Variants in BMP2K observed in about 807,000 individuals in gnomAD.
The protein encoded by BMP2K is BMP-2-inducible protein kinase.
BMP2K carries 74 observed loss-of-function variants against 116.0 expected under a neutral mutation model. The ratio of observed to expected loss-of-function variants is 0.64; its 90% CI spans 0.53 to 0.77. The LOEUF is 0.77. BMP2K is among the 30% of genes least tolerant of loss of function. The probability of loss-of-function intolerance (pLI) is 0.00; values close to 1 mark genes in which losing one functional copy is unlikely to be tolerated. For missense variants in BMP2K, 1,365 were observed against 1,403.6 expected, an observed-to-expected ratio of 0.97 and a Z score of 0.44; for synonymous variants, 486 against 502.5, an observed-to-expected ratio of 0.97 and a Z score of 0.44.
In BMP2K at chr4:78,851,008, A is replaced by G. The variant is rs1416145601; in HGVS notation, c.835A>G (p.Thr279Ala). 6.2e-7 allele frequency: 1 copy of G among 1,611,966 alleles called. No homozygotes were observed. Among genetic ancestry groups the G allele is most frequent in the Non-Finnish European group, 8.5e-7 (1 of 1,178,722 alleles). Residue 279 changes from threonine (T) to alanine (A), a missense_variant, in exon 7 of 16, where the codon ACC becomes GCC. Thr to Ala is a moderately conservative substitution (Grantham distance 58). Transcript: ENST00000502613. ...GGTTGCTATCTGTGATGGCAACTTC[A>G]CCATCCCAGACAATTCTCGTTACTC... ...SQVAICDGNF[T>A]IPDNSRYSRN...
chr4:78,849,890 T>C (rs1731168353), intron 6 of BMP2K, among the ~76,000 whole-genome samples: 2 of 151,750 alleles, frequency 1.3e-5, no homozygotes, highest in African/African-American at 2.4e-5. Flanking sequence ...AGGTCTATTA[T>C]AAGCTCCATA....
chr4:78,805,148 C>A, intron 1 of BMP2K, among the ~76,000 whole-genome samples: 1 of 152,170 alleles, frequency 6.6e-6, no homozygotes, highest in East Asian at 1.9e-4. Context: ...GTTGTTCCAG[C>A]ACCATTTATT....
chr4:78,795,065 A>G (rs1363730006), intron 1 of BMP2K, among the ~76,000 whole-genome samples: 1 of 152,248 alleles, frequency 6.6e-6, no homozygotes, highest in Non-Finnish European at 1.5e-5. Context: ...ATGAAATTTC[A>G]GGGCTTGTTG....
chr4:78,831,649 G>T (rs1212384259), intron 2 of BMP2K, among the ~76,000 whole-genome samples: 1 of 152,074 alleles, frequency 6.6e-6, no homozygotes, highest in Non-Finnish European at 1.5e-5. Flanking sequence ...GTTTTTCTGT[G>T]ACCTCTGTAA....
At chr4:78,782,646 A>G (rs920403385) in intron 1 of BMP2K, among the ~76,000 whole-genome samples, 1 of 152,236 alleles carries the variant, frequency 6.6e-6, no homozygotes, top group African/African-American at 2.4e-5. Flanking sequence ...TGAAACAGGA[A>G]AGAAAAAAAA....
At chr4:78,815,424 C>T (rs922881277) in intron 1 of BMP2K, among the ~76,000 whole-genome samples, 1 of 151,994 alleles carries the variant, frequency 6.6e-6, no homozygotes, top group African/African-American at 2.4e-5. Flanking sequence ...GAGGTAATTT[C>T]TCTTCAGGAA....
chr4:78,848,565 A>T lies in BMP2K; in HGVS notation c.750+1296A>T, dbSNP rs1731113537. ...ATAGGCATCATACTTTTCATTCTGAAGCCATTGAAGGTTTACTGCAGAAAA... is the reference window on the plus strand; with the variant it reads ...ATAGGCATCATACTTTTCATTCTGATGCCATTGAAGGTTTACTGCAGAAAA... On this transcript the variant is annotated intron_variant, in intron 6 of 15. Coordinates refer to ENST00000502613, the MANE Select transcript of BMP2K (RefSeq NM_198892.2). Among the ~76,000 whole-genome samples, 5 of 151,546 alleles carry T rather than the reference A, an allele frequency of 3.3e-5. 1 individual carries two copies. The South Asian group carries it at 1.0e-3, about 31-fold the overall frequency.
intron 1 of BMP2K, among the ~76,000 whole-genome samples, chr4:78,780,746 G>A (rs1233916543): frequency 6.6e-6 from 1 of 152,186 alleles, no homozygotes; most frequent in Admixed American, 6.5e-5. Context: ...GGACAATAGT[G>A]GAGGTATTCT....
At chr4:78,779,378 C>G (rs1276495986) in intron 1 of BMP2K, among the ~76,000 whole-genome samples, 3 of 152,144 alleles carry the variant, frequency 2.0e-5, no homozygotes, top group Admixed American at 2.0e-4. Flanking sequence ...AGTCTTTGCT[C>G]CTTGAACACT....
At chr4:78,871,730 A>G in intron 11 of BMP2K, 120 bp from the exon 12 acceptor site, 1 of 568,902 alleles carries the variant, frequency 1.8e-6, no homozygotes, top group Admixed American at 3.4e-5. Flanking sequence ...GAGTATAGCT[A>G]TTTTGTATTG....
chr4:78,863,600 T>A (rs1283731926), intron 9 of BMP2K, among the ~76,000 whole-genome samples: 1 of 152,170 alleles, frequency 6.6e-6, no homozygotes, highest in Non-Finnish European at 1.5e-5. Context: ...AAACCTGTGA[T>A]GATTTTGTTC....
intron 1 of BMP2K, among the ~76,000 whole-genome samples, chr4:78,816,168 T>A (rs1474507247): frequency 6.6e-6 from 1 of 152,156 alleles, no homozygotes; most frequent in Admixed American, 6.6e-5. Flanking sequence ...TTTGGTAACG[T>A]GAAGTTAAAC....
intron 15 of BMP2K, among the ~76,000 whole-genome samples, chr4:78,908,323 CTT>C (rs1365046607): frequency 3.9e-5 from 6 of 152,192 alleles, no homozygotes; most frequent in Non-Finnish European, 7.4e-5. Flanking sequence ...TACTGGACCT[CTT>C]TGCACCATCC....
chr4:78,781,532 G>A, intron 1 of BMP2K, among the ~76,000 whole-genome samples: 1 of 152,032 alleles, frequency 6.6e-6, no homozygotes, highest in East Asian at 1.9e-4. Context: ...GGGAAGCTGG[G>A]TATGTCGTCT....
intron 1 of BMP2K, among the ~76,000 whole-genome samples, chr4:78,815,379 T>C (rs756994087): frequency 5.9e-5 from 9 of 152,274 alleles, no homozygotes; most frequent in Non-Finnish European, 1.0e-4. Context: ...TGAAAACCCA[T>C]AAAATATTTT....
At chr4:78,865,411 GA>G in intron 9 of BMP2K, 145 bp from the exon 10 acceptor site, 1 of 753,672 alleles carries the variant, frequency 1.3e-6, no homozygotes, top group Non-Finnish European at 2.1e-6. Context: ...TTTAATACTT[GA>G]AAATGAGCCT....
chr4:78,895,813 G>A lies in BMP2K; in HGVS notation c.2062+8529G>A, dbSNP rs368306560. ...ATTTTGCTTTTTTGCCCAGGCTGGA[G>A]TGCAGTGGCATGATCACGGTTCACT... On this transcript the variant is annotated intron_variant, in intron 15 of 15. Coordinates refer to ENST00000502613, the MANE Select transcript of BMP2K (RefSeq NM_198892.2). Among the ~76,000 whole-genome samples, 7 of 152,252 alleles carry A rather than the reference G, an allele frequency of 4.6e-5. No individual in the cohort carries two copies. In the East Asian group the frequency reaches 1.2e-3, roughly 25 times the overall value.
chr4:78,791,433 C>CT (rs976269478), intron 1 of BMP2K, among the ~76,000 whole-genome samples: 4 of 151,430 alleles, frequency 2.6e-5, no homozygotes, highest in African/African-American at 7.3e-5. Context: ...CATTTCTTTT[C>CT]TTTTTTTTTC....
At position 78,870,924 on chromosome 4, in the gene BMP2K, C is replaced by T; in HGVS notation, c.1373C>T (p.Pro458Leu). 6.2e-7 allele frequency: 1 copy of T among 1,609,280 alleles called. No homozygotes were observed. Among genetic ancestry groups the T allele is most frequent in the South Asian group, 1.1e-5 (1 of 90,946 alleles). Residue 458 changes from proline (P) to leucine (L), a missense_variant, in exon 11 of 16, where the codon CCT (proline) becomes CTT (leucine). Pro to Leu is a moderately conservative substitution (Grantham distance 98). This residue lies in a region of BMP2K where 762 missense variants were observed against 756.7 expected (regional missense o/e 1.01). Transcript: ENST00000502613. ...LQQLHLQHRH[P>L]HQQQQQQQQQ... is the part of the protein sequence containing the mutation. ...CAACTCCATTTACAGCATCGTCATC[C>T]TCACCAGCAGCAGCAGCAGCAGCAG...
Sources: gnomAD v4.1 joint callset for allele counts (sites outside exome capture counted in the v4.1 genomes callset) on GRCh38, gnomAD v4.1.1 for gene constraint, gnomAD v4.1.1 regional missense constraint, MANE v1.5 for transcripts, NCBI Gene and HGNC (gene_info 2026-07-23, HGNC 2026-07-21) for gene names.